Variants in ACSM3 observed in about 807,000 individuals in gnomAD.
The protein encoded by ACSM3 is acyl-coenzyme A synthetase ACSM3, mitochondrial.
A neutral mutation model predicts 74.1 loss-of-function variants in ACSM3; 61 were observed. The observed-to-expected ratio is 0.82, with a 90% CI of 0.67 to 1.02. The LOEUF (loss-of-function observed/expected upper bound fraction) is 1.02, where lower values mean the gene tolerates loss of function less well. Among genes scored for constraint, ACSM3 ranks in the 50% least tolerant of loss-of-function variants. The pLI is 0.00. For missense variants in ACSM3, 660 were observed against 697.0 expected (o/e 0.95, Z 0.60); for synonymous variants, 213 against 241.5 (o/e 0.88, Z 1.09).
At chr16:20,776,070 G>A (rs573409673) in intron 3 of ACSM3, 21 bp downstream of exon 3, 2 of 1,611,668 alleles carry the variant, frequency 1.2e-6, no homozygotes, top group South Asian at 1.1e-5. Flanking sequence ...TTTGCTTTCC[G>A]ATCATATTTA....
intron 1 of ACSM3, chr16:20,727,303 G>T (rs1024851779): frequency 1.6e-5 from 9 of 559,090 alleles, no homozygotes; most frequent in Non-Finnish European, 2.8e-5. Flanking sequence ...AAGCACTCAG[G>T]TTCCTCTCAA....
intron 1 of ACSM3, among the ~76,000 whole-genome samples, chr16:20,692,291 T>C (rs2079661549): frequency 6.6e-6 from 1 of 152,200 alleles, no homozygotes; most frequent in African/African-American, 2.4e-5. Context: ...TTTTATATAC[T>C]TTAGGAAGGC....
rs533788204 is a variant in ACSM3 at position 20,756,913 on chromosome 16, T to C, written c.-52+1297T>C. Among the ~76,000 whole-genome samples, 39 of 152,234 alleles carry C rather than the reference T, an allele frequency of 2.6e-4. No individual in the cohort carries two copies. In the South Asian group the frequency reaches 5.6e-3, roughly 22 times the overall value. The stretch of plus-strand genomic sequence containing the variant: ...GGGAATCCTTTCCCCATTGCTTGTT[T>C]TTCTCAGGTTTGTCAAAGATCAGAT... On this transcript the variant is annotated intron_variant, in intron 3 of 3. Transcript: ENST00000561584.
At chr16:20,795,195 T>G (rs543553951) in intron 12 of ACSM3, among the ~76,000 whole-genome samples, 3 of 152,276 alleles carry the variant, frequency 2.0e-5, no homozygotes, top group South Asian at 2.1e-4. Context: ...TGTTGTTGTT[T>G]TTTTTCTTAG....
At chr16:20,729,396 A>AG (rs1323348527) in intron 1 of ACSM3, 99 of 1,162,340 alleles carry the variant, frequency 8.5e-5, no homozygotes, top group Admixed American at 6.7e-4. Flanking sequence ...AAGGATTGAC[A>AG]GGGGGGGAGC....
chr16:20,758,059 G>C (rs1227768134), intron 3 of ACSM3, among the ~76,000 whole-genome samples: 2 of 151,926 alleles, frequency 1.3e-5, no homozygotes, highest in Non-Finnish European at 2.9e-5. Flanking sequence ...GAGGATTTTT[G>C]CATCAATGTT....
intron 1 of ACSM3, among the ~76,000 whole-genome samples, chr16:20,724,149 A>T (rs1180534101): frequency 1.3e-5 from 2 of 152,168 alleles, no homozygotes; most frequent in Non-Finnish European, 2.9e-5. Flanking sequence ...TCCTTTCCCC[A>T]TTGCTTGTTT....
intron 7 of ACSM3, chr16:20,784,361 TC>T (rs2080422512): frequency 2.6e-5 from 4 of 152,356 alleles, no homozygotes; most frequent in Non-Finnish European, 5.9e-5. Context: ...ACAGAGTACT[TC>T]CATATAACAG....
chr16:20,749,173 T>C (rs2079971327), intron 1 of ACSM3: 1 of 152,168 alleles, frequency 6.6e-6, no homozygotes, highest in African/African-American at 2.4e-5. Context: ...TATACACATA[T>C]GTATATATAT....
intron 1 of ACSM3, chr16:20,741,673 C>G: frequency 1.3e-6 from 2 of 1,584,626 alleles, no homozygotes; most frequent in Non-Finnish European, 1.7e-6. Context: ...TTGGCCAGCA[C>G]ATACTGAGCC....
At chr16:20,685,241 G>A in intron 1 of ACSM3, 5 of 1,614,182 alleles carry the variant, frequency 3.1e-6, no homozygotes, top group Non-Finnish European at 4.2e-6. Flanking sequence ...GGAACTCGAG[G>A]CAGCATCAAG....
intron 1 of ACSM3, among the ~76,000 whole-genome samples, chr16:20,767,618 A>G (rs1449435453): frequency 7.2e-5 from 11 of 151,880 alleles, no homozygotes; most frequent in Admixed American, 7.2e-4. Flanking sequence ...TTAAGGTCTT[A>G]ACCTGCAGGG....
chr16:20,701,524 T>A (rs1348113615), intron 1 of ACSM3, among the ~76,000 whole-genome samples: 2 of 152,222 alleles, frequency 1.3e-5, no homozygotes, highest in African/African-American at 4.8e-5. Flanking sequence ...CAAACTGGAA[T>A]CTTTTTAAAA....
rs764794115 is a variant in ACSM3 at position 20,776,074 on chromosome 16, A to G, written c.430+25A>G. The stretch of plus-strand genomic sequence containing the variant: ...GGTTAGTAATGTTTGCTTTCCGATC[A>G]TATTTATTACTAAGCTGGAGGGGAG... On this transcript the variant is annotated intron_variant, in intron 3 of 13. Coordinates refer to ENST00000289416, the MANE Select transcript of ACSM3 (RefSeq NM_005622.4). 56 of 1,610,454 alleles carry G rather than the reference A, an allele frequency of 3.5e-5. No individual in the cohort carries two copies. The Admixed American group carries it at 8.8e-4, about 25-fold the overall frequency.
At chr16:20,762,952 A>G (rs1034880039), upstream of ACSM3, among the ~76,000 whole-genome samples, 1 of 152,258 alleles carries the variant, frequency 6.6e-6, no homozygotes, top group African/African-American at 2.4e-5. Context: ...AATAAAACGC[A>G]TATAGATCTG....
At chr16:20,775,185 G>A (rs1279056743) in intron 2 of ACSM3, among the ~76,000 whole-genome samples, 1 of 152,148 alleles carries the variant, frequency 6.6e-6, no homozygotes, top group African/African-American at 2.4e-5. Context: ...ATGTGGAGAT[G>A]CAGGGGCAAT....
chr16:20,782,541 C>T (rs746469714), intron 7 of ACSM3, among the ~76,000 whole-genome samples: 30 of 152,150 alleles, frequency 2.0e-4, no homozygotes, highest in South Asian at 8.3e-4. Context: ...ATCTTTTCCC[C>T]CACATTGACC....
At position 20,797,439 on chromosome 16, in the gene ACSM3, T is replaced by G. The variant is rs1486762428; in HGVS notation, c.*467T>G. The G allele has an allele frequency of 9.7e-7, 1 of 1,028,750 alleles. No individual in the cohort carries two copies. The highest frequency in any genetic ancestry group is 1.7e-5 in the African/African-American group (1 of 59,398). The allele number at this position is 1,028,750 out of a possible 1,614,324, so 63.7% of individuals were successfully genotyped here. A position where few individuals can be genotyped will look rare whatever the true frequency, so the allele number is the denominator to read the frequency against. On this transcript the variant is annotated 3_prime_UTR_variant, in exon 14 of 14. Transcript: ENST00000289416. The stretch of plus-strand genomic sequence containing the variant: ...CAAAGTACAAGAATCTACCTGAAAA[T>G]AGACTAGGGATTTTTATTAGTCACA...
At chr16:20,781,870 C>T in intron 7 of ACSM3, 83 bp downstream of exon 7, 2 of 1,079,040 alleles carry the variant, frequency 1.9e-6, no homozygotes, top group Non-Finnish European at 1.4e-6. Context: ...CTGCCTGAAA[C>T]ATAGCTCCAA....
Sources: allele counts gnomAD v4.1 joint callset (sites outside exome capture counted in the v4.1 genomes callset), GRCh38; gene constraint gnomAD v4.1.1; transcripts MANE v1.5; gene names NCBI Gene and HGNC (gene_info 2026-07-23, HGNC 2026-07-21).